The following MAP3K15 variants were observed in gnomAD, a reference collection of about 807,000 sequenced individuals.
MAP3K15 encodes mitogen-activated protein kinase kinase kinase 15.
Under a neutral mutation model 99.5 loss-of-function variants are expected in MAP3K15, and 124 were observed. That is an observed-to-expected ratio of 1.25 (90% CI 1.08 to 1.45). The LOEUF (loss-of-function observed/expected upper bound fraction) is 1.45, where lower values mean the gene tolerates loss of function less well. Ranked by LOEUF, MAP3K15 falls within the 40% of genes most tolerant of loss-of-function variation. The pLI, the probability that MAP3K15 is intolerant of heterozygous loss-of-function variation, is 0.00. For missense variants in MAP3K15, 1,242 were observed against 1,079.7 expected, an observed-to-expected ratio of 1.15 and a Z score of -2.11; for synonymous variants, 494 against 439.6, an observed-to-expected ratio of 1.12 and a Z score of -1.55.
chrX:19,484,614 C>A (rs1418000840), intron 3 of MAP3K15, among the ~76,000 whole-genome samples: 2 of 111,630 alleles, frequency 1.8e-5, no homozygotes, highest in Admixed American at 1.9e-4. Flanking sequence ...GACACCAAGT[C>A]TCCGGGACGA....
intron 3 of MAP3K15, among the ~76,000 whole-genome samples, chrX:19,484,933 G>A (rs1488099711): frequency 9.0e-6 from 1 of 111,454 alleles, no homozygotes; most frequent in Non-Finnish European, 1.9e-5. Context: ...TTAGAGACAG[G>A]GCTGCGGCTA....
chrX:19,373,443 TG>T, intron 21 of MAP3K15, 92 bp downstream of exon 21: 1 of 1,047,225 alleles, frequency 9.5e-7, no homozygotes, highest in Non-Finnish European at 1.3e-6. Flanking sequence ...AACCCCTCAG[TG>T]GCCATCTGGT....
intron 6 of MAP3K15, among the ~76,000 whole-genome samples, chrX:19,442,270 T>C (rs2063964432): frequency 8.9e-6 from 1 of 112,007 alleles, no homozygotes; most frequent in East Asian, 2.8e-4. Flanking sequence ...CCTACTTCAA[T>C]GGTTATCTTT....
chrX:19,427,371 G>T (rs1469188339), intron 7 of MAP3K15, among the ~76,000 whole-genome samples: 2 of 111,051 alleles, frequency 1.8e-5, no homozygotes, highest in Admixed American at 1.9e-4. Flanking sequence ...CATCGAAATG[G>T]CATCAATGGT....
At chrX:19,379,294 C>CT (rs995651452) in intron 19 of MAP3K15, among the ~76,000 whole-genome samples, 2,383 of 101,305 alleles carry the variant, frequency 0.024, 83 homozygotes, top group African/African-American at 0.079. Flanking sequence ...TTTCCTTTTT[C>CT]TTTTTTTTTT....
chrX:19,417,203 CA>C (rs1319327723), intron 9 of MAP3K15, among the ~76,000 whole-genome samples: 1 of 112,271 alleles, frequency 8.9e-6, no homozygotes, highest in Non-Finnish European at 1.9e-5. Flanking sequence ...GGGTGCAGGA[CA>C]GGGGGTGCAG....
intron 9 of MAP3K15, among the ~76,000 whole-genome samples, chrX:19,423,736 C>G (rs1168252399): frequency 9.0e-6 from 1 of 111,587 alleles, no homozygotes; most frequent in Non-Finnish European, 1.9e-5. Flanking sequence ...GATATACTGC[C>G]AGCTAAGAGC....
At chrX:19,394,297 G>A (rs754801856) in intron 16 of MAP3K15, among the ~76,000 whole-genome samples, 4 of 111,286 alleles carry the variant, frequency 3.6e-5, no homozygotes, top group Admixed American at 9.6e-5. Flanking sequence ...CTGAGACAGC[G>A]TTAATTGTTA....
At chrX:19,475,276 G>A (rs901780148) in intron 3 of MAP3K15, among the ~76,000 whole-genome samples, 2 of 110,848 alleles carry the variant, frequency 1.8e-5, no homozygotes, top group African/African-American at 6.6e-5. Flanking sequence ...ATGCTCCTAT[G>A]AGAATCTAAT....
At chrX:19,500,483 C>T (rs1483824703) in intron 1 of MAP3K15, among the ~76,000 whole-genome samples, 2 of 110,635 alleles carry the variant, frequency 1.8e-5, no homozygotes, top group Admixed American at 1.9e-4. Context: ...TTCTGCCTGG[C>T]CCCTGGGATG....
At chrX:19,363,945 A>G (rs7054950) in intron 25 of MAP3K15, among the ~76,000 whole-genome samples, 23,835 of 110,123 alleles carry the variant, frequency 0.22, 5,015 homozygotes, top group African/African-American at 0.66. Context: ...GAGCCACCGC[A>G]CCCAGCTGGA....
intron 3 of MAP3K15, among the ~76,000 whole-genome samples, chrX:19,464,831 T>C (rs1017669839): frequency 8.9e-6 from 1 of 111,817 alleles, no homozygotes; most frequent in Non-Finnish European, 1.9e-5. Context: ...AGGTGAGCTA[T>C]TATAAACTTT....
At chrX:19,411,085 G>A (rs1398022997) in intron 11 of MAP3K15, among the ~76,000 whole-genome samples, 2 of 109,928 alleles carry the variant, frequency 1.8e-5, no homozygotes, top group Non-Finnish European at 3.8e-5. Flanking sequence ...TCAGGAGGCT[G>A]AGATGGGACA....
Position 19,395,143 on chromosome X carries a change from T to C in MAP3K15, c.2132A>G (p.Gln711Arg). The change falls in exon 16 of 29, where the codon CAG (glutamine) becomes CGG (arginine). Residue 711 changes from glutamine (Q) to arginine (R), a missense_variant. Transcript: ENST00000338883. ...HKYLKHRNIV[Q>R]YLGSVSENGY... The stretch of plus-strand genomic sequence containing the variant: ...GTTCTCTGAAACAGAGCCCAGGTAC[T>C]GAACGATATTGCGGTGCTTAAGGTA... 8.3e-7 allele frequency: 1 copy of C among 1,208,978 alleles called. No individual in the cohort carries two copies. The highest frequency in any genetic ancestry group is 1.1e-6 in the Non-Finnish European group (1 of 893,727).
At chrX:19,419,755 T>G (rs773280354) in intron 9 of MAP3K15, among the ~76,000 whole-genome samples, 145 of 111,761 alleles carry the variant, frequency 1.3e-3, no homozygotes, top group Middle Eastern at 4.6e-3. Context: ...AGCACCACAC[T>G]GCACTTATTT....
intron 1 of MAP3K15, chrX:19,497,158 T>C (rs1388794827): frequency 9.9e-6 from 1 of 101,442 alleles, no homozygotes; most frequent in Non-Finnish European, 2.0e-5. Context: ...TCAGGATAGA[T>C]AATACTTTTT....
intron 6 of MAP3K15, among the ~76,000 whole-genome samples, chrX:19,434,233 G>GTT (rs201469897): frequency 1.7e-3 from 171 of 102,498 alleles, no homozygotes; most frequent in African/African-American, 5.6e-3. Context: ...GGTTTTTTTT[G>GTT]TTTTTTTTTT....
At chrX:19,384,372 G>A (rs1348785031) in intron 18 of MAP3K15, among the ~76,000 whole-genome samples, 1 of 109,276 alleles carries the variant, frequency 9.2e-6, no homozygotes, top group Non-Finnish European at 1.9e-5. Context: ...AGGTGGGGAT[G>A]GTTAGTGGGT....
rs146128331 is a variant in MAP3K15, at chrX:19,444,613, G to C, written c.995+12300C>G. Among the ~76,000 whole-genome samples, 160 of 111,876 alleles carry C rather than the reference G, an allele frequency of 1.4e-3. 2 individuals carry two copies. Among genetic ancestry groups the C allele is most frequent in the African/African-American group, 3.7e-3 (114 of 30,836 alleles). On this transcript the variant is annotated intron_variant, in intron 6 of 28. Transcript: ENST00000338883. ...ATCAATACCTCTGGTAACAGATCTC[G>C]AAGTGTACATATTTTAGATCATTCC...
Sources: allele counts gnomAD v4.1 joint callset (sites outside exome capture counted in the v4.1 genomes callset), GRCh38; gene constraint gnomAD v4.1.1; transcripts MANE v1.5; gene names NCBI Gene and HGNC (gene_info 2026-07-23, HGNC 2026-07-21).